STX1B: variants seen among roughly 807,000 people sequenced by gnomAD.
STX1B encodes the protein syntaxin 1B.
A neutral mutation model predicts 39.4 loss-of-function variants in STX1B; 7 were observed. The ratio of observed to expected loss-of-function variants is 0.18; its 90% CI spans 0.10 to 0.33. The LOEUF (loss-of-function observed/expected upper bound fraction) is 0.33. Among genes scored for constraint, STX1B ranks in the 10% least tolerant of loss-of-function variants. STX1B has a pLI of 1.00. For synonymous variants in STX1B, 136 were observed against 144.1 expected (o/e 0.94, Z 0.40); for missense variants, 198 against 383.2 (o/e 0.52, Z 4.04).
rs2056676518 is a variant in STX1B at position 31,010,551 on chromosome 16, G to T, written c.-155C>A. 2 of 228,196 alleles carry T rather than the reference G, an allele frequency of 8.8e-6. No homozygotes were observed. The highest frequency in any genetic ancestry group is 1.5e-5 in the Non-Finnish European group (2 of 129,368). The allele number at this position is 228,196 out of a possible 1,614,324, so 14.1% of individuals were successfully genotyped here. A position where few individuals can be genotyped will look rare whatever the true frequency, so the allele number is the denominator to read the frequency against. On this transcript the variant is annotated 5_prime_UTR_variant, in exon 1 of 10. Coordinates refer to ENST00000215095, the MANE Select transcript of STX1B (RefSeq NM_052874.5). ...GGCGGGGGCGGGGCCGGGGGCGACT[G>T]GCCGAGGGCCGGGCAGGGGCAGGGG...
chr16:31,004,214 T>C (rs1006273768), intron 1 of STX1B, among the ~76,000 whole-genome samples: 1 of 152,254 alleles, frequency 6.6e-6, no homozygotes, highest in African/African-American at 2.4e-5. Flanking sequence ...GTAAGGACCA[T>C]TGGCCAACAT....
Position 31,000,977 on chromosome 16 carries a change from G to A in STX1B, c.231C>T (p.Leu77=), listed in dbSNP as rs2056624669. 6.2e-7 allele frequency: 1 copy of A among 1,614,056 alleles called. No individual in the cohort carries two copies. The part of the protein sequence containing the change: ...DEKTKQELED[L]TADIKKTANK... ...TGGCCGTCTTCTTGATGTCTGCAGTGAGATCCTCCAGCTCCTGTTTGGTCT... is the reference window on the plus strand; with the variant it reads ...TGGCCGTCTTCTTGATGTCTGCAGTAAGATCCTCCAGCTCCTGTTTGGTCT... Residue 77 remains leucine, a synonymous_variant, in exon 4 of 10, where the codon CTC becomes CTT. Coordinates refer to ENST00000215095, the MANE Select transcript of STX1B (RefSeq NM_052874.5).
chr16:30,996,798 C>T, intron 6 of STX1B, 42 bp from the exon 7 acceptor site: 1 of 1,608,610 alleles, frequency 6.2e-7, no homozygotes, highest in Middle Eastern at 1.7e-4. Context: ...CTGGGACAGC[C>T]TGGGGGCCTG....
intron 1 of STX1B, among the ~76,000 whole-genome samples, chr16:31,008,850 A>G (rs2056667213): frequency 6.6e-6 from 1 of 152,182 alleles, no homozygotes; most frequent in South Asian, 2.1e-4. Context: ...GAGATAACAT[A>G]TATCTATATA....
intron 9 of STX1B, 75 bp downstream of exon 9, chr16:30,993,055 G>A (rs756240827): frequency 1.0e-5 from 15 of 1,467,088 alleles, no homozygotes; most frequent in African/African-American, 5.6e-5. Flanking sequence ...CCTCCCGCCC[G>A]CTGCCATCAC....
In STX1B at chr16:30,992,812, G is replaced by C. The variant is rs78690970; in HGVS notation, c.*9C>G. 8.3e-6 allele frequency: 13 copies of C among 1,566,738 alleles called. No individual in the cohort carries two copies. The highest frequency in any genetic ancestry group is 2.7e-5 in the African/African-American group (2 of 73,580). On this transcript the variant is annotated 3_prime_UTR_variant, in exon 10 of 10. Transcript: ENST00000215095. Reference sequence around the variant, plus strand: ...GGAAGGGTCTGGGAGAGAGAAGGGTGGGGGGGGCCTACAAGCCCAGCGTCC... The same window carrying C: ...GGAAGGGTCTGGGAGAGAGAAGGGTCGGGGGGGCCTACAAGCCCAGCGTCC...
At position 30,992,904 on chromosome 16, in the gene STX1B, G is replaced by T. The variant is rs374256908; in HGVS notation, c.787-3C>A. The T allele has an allele frequency of 4.4e-5, 71 of 1,613,526 alleles. No homozygotes were observed. The highest frequency in any genetic ancestry group is 5.8e-5 in the Non-Finnish European group (69 of 1,179,660). Reference sequence around the variant, plus strand: ...CAAATGATGATCATGATTTTCTTCTGCAGCAGAAAGAGGAGTGAGACAGGC... The same window carrying T: ...CAAATGATGATCATGATTTTCTTCTTCAGCAGAAAGAGGAGTGAGACAGGC... On this transcript the variant is annotated splice_region_variant and splice_polypyrimidine_tract_variant and intron_variant, in intron 9 of 9. Transcript: ENST00000215095.
rs1465345804 is a variant in STX1B, at chr16:30,989,595, A to G, written c.*3226T>C. 1 of 152,324 alleles carries G rather than the reference A, an allele frequency of 6.6e-6. No individual in the cohort carries two copies. The highest frequency in any genetic ancestry group is 1.5e-5 in the Non-Finnish European group (1 of 68,152). The allele number at this position is 152,324 out of a possible 1,614,324, so 9.4% of individuals were successfully genotyped here. A position where few individuals can be genotyped will look rare whatever the true frequency, so the allele number is the denominator to read the frequency against. On this transcript the variant is annotated 3_prime_UTR_variant, in exon 10 of 10. Transcript: ENST00000215095. ...TCATGTCAGCAAACACGGCTACATCACGTGACACGCCAGTGACACAGAAAC... is the reference window on the plus strand; with the variant it reads ...TCATGTCAGCAAACACGGCTACATCGCGTGACACGCCAGTGACACAGAAAC...
chr16:31,003,396 T>C (rs2056641249), intron 1 of STX1B, among the ~76,000 whole-genome samples: 1 of 152,100 alleles, frequency 6.6e-6, no homozygotes, highest in Non-Finnish European at 1.5e-5. Flanking sequence ...TGAGGACCCA[T>C]CGGCCTACCA....
intron 1 of STX1B, among the ~76,000 whole-genome samples, chr16:31,005,987 A>G (rs573938045): frequency 6.6e-6 from 1 of 152,258 alleles, no homozygotes; most frequent in East Asian, 1.9e-4. Flanking sequence ...AAGCGGAAGG[A>G]GGAGAGTGAC....
At chr16:30,995,349 C>G (rs556275432) in intron 7 of STX1B, among the ~76,000 whole-genome samples, 1 of 152,090 alleles carries the variant, frequency 6.6e-6, no homozygotes, top group African/African-American at 2.4e-5. Flanking sequence ...ACAGTCATAG[C>G]GCATCCTTTA....
chr16:31,010,403 A>ACGGCTCCTC lies in STX1B; in HGVS notation c.-16_-8dup. 1 of 1,492,188 alleles carries ACGGCTCCTC rather than the reference A, an allele frequency of 6.7e-7. No individual in the cohort carries two copies. The highest frequency in any genetic ancestry group is 9.0e-7 in the Non-Finnish European group (1 of 1,111,262). The allele number at this position is 1,492,188 out of a possible 1,614,324, so 92.4% of individuals were successfully genotyped here. A position where few individuals can be genotyped will look rare whatever the true frequency, so the allele number is the denominator to read the frequency against. ...CTTGAGTCCGATCCTTCATCCTGCG[A>ACGGCTCCTC]CGGCTCCTCCTCCTCCTCCTAGTCC... On this transcript the variant is annotated 5_prime_UTR_variant, in exon 1 of 10. Coordinates refer to ENST00000215095, the MANE Select transcript of STX1B (RefSeq NM_052874.5).
chr16:30,992,700 G>GA lies in STX1B; in HGVS notation c.*120_*121insT, dbSNP rs1555493835. The GA allele has an allele frequency of 4.7e-5, 31 of 658,194 alleles. No homozygotes were observed. Among genetic ancestry groups the GA allele is most frequent in the Non-Finnish European group, 8.4e-5 (31 of 370,572 alleles). The allele number at this position is 658,194 out of a possible 1,614,324, so 40.8% of individuals were successfully genotyped here. On this transcript the variant is annotated 3_prime_UTR_variant, in exon 10 of 10. Coordinates refer to ENST00000215095, the MANE Select transcript of STX1B (RefSeq NM_052874.5). ...GACACCAGGGTCTGCCGTGGGGGTG[G>GA]GGCTGCCTGGGTCTGTTTTGGGAGT...
At chr16:30,994,945 T>G (rs568243630) in intron 7 of STX1B, among the ~76,000 whole-genome samples, 1 of 134,396 alleles carries the variant, frequency 7.4e-6, no homozygotes, top group African/African-American at 2.8e-5. Flanking sequence ...AAGTTCTTGC[T>G]CTGTCACCTA....
At chr16:31,003,083 C>G (rs2056639316) in intron 1 of STX1B, among the ~76,000 whole-genome samples, 1 of 152,136 alleles carries the variant, frequency 6.6e-6, no homozygotes, top group African/African-American at 2.4e-5. Flanking sequence ...TCAGCAGTGC[C>G]CCACAGCCCC....
intron 6 of STX1B, 52 bp from the exon 7 acceptor site, chr16:30,996,808 G>A (rs992772864): frequency 4.4e-5 from 70 of 1,603,378 alleles, no homozygotes; most frequent in Non-Finnish European, 5.8e-5. Context: ...CTGGGGGCCT[G>A]AGGTGGGGTG....
chr16:31,008,378 G>A (rs777423082), intron 1 of STX1B, among the ~76,000 whole-genome samples: 2 of 151,854 alleles, frequency 1.3e-5, no homozygotes, highest in Non-Finnish European at 2.9e-5. Flanking sequence ...AGGGGCCCCT[G>A]ACTCATTCAT....
chr16:30,994,597 A>AG (rs1213794895), intron 7 of STX1B, among the ~76,000 whole-genome samples: 2 of 141,128 alleles, frequency 1.4e-5, no homozygotes, highest in Non-Finnish European at 3.1e-5. Flanking sequence ...TGAAAAAAAA[A>AG]AAAAAAGAAA....
intron 1 of STX1B, 119 bp downstream of exon 1, chr16:31,010,248 G>T: frequency 3.9e-6 from 3 of 773,818 alleles, no homozygotes; most frequent in Non-Finnish European, 5.6e-6. Context: ...GGGTGCTCCG[G>T]CTACCAACCT....
Sources: gnomAD v4.1 joint callset for allele counts (sites outside exome capture counted in the v4.1 genomes callset) on GRCh38, gnomAD v4.1.1 for gene constraint, MANE v1.5 for transcripts, NCBI Gene and HGNC (gene_info 2026-07-23, HGNC 2026-07-21) for gene names.